USP36: variants seen among roughly 807,000 people sequenced by gnomAD.
USP36 encodes ubiquitin specific peptidase 36.
Under a neutral mutation model 111.5 loss-of-function variants are expected in USP36, and 59 were observed. The observed-to-expected ratio is 0.53, with a 90% confidence interval of 0.43 to 0.66. The LOEUF is 0.66. Among genes scored for constraint, USP36 ranks in the 30% least tolerant of loss-of-function variants. USP36 has a pLI of 0.00. For synonymous variants in USP36, 628 were observed against 581.0 expected, an observed-to-expected ratio of 1.08 and a Z score of -1.16; for missense variants, 1,488 against 1,468.0, an observed-to-expected ratio of 1.01 and a Z score of -0.22.
rs185512219 is a variant in USP36 at position 78,806,071 on chromosome 17, G to A, written c.2216+85C>T. 1,929 of 1,598,140 alleles carry A rather than the reference G, an allele frequency of 1.2e-3. 3 individuals are homozygous for A. Among genetic ancestry groups the A allele is most frequent in the Non-Finnish European group, 1.3e-3 (1,547 of 1,175,102 alleles). On this transcript the variant is annotated intron_variant, in intron 15 of 20. Transcript: ENST00000449938. ...GCTTTGTCTGTCCTGTGAGGTTGGCGATTCGTCCAACTCCTCACCAGCCAA... is the reference window on the plus strand; with the variant it reads ...GCTTTGTCTGTCCTGTGAGGTTGGCAATTCGTCCAACTCCTCACCAGCCAA...
chr17:78,794,878 G>A (rs2030074217), downstream of USP36, among the ~76,000 whole-genome samples: 1 of 151,906 alleles, frequency 6.6e-6, no homozygotes, highest in Admixed American at 6.6e-5. Flanking sequence ...GTGGTGATGC[G>A]TGCCTGTACT....
rs192460975 is a variant in USP36 at position 78,835,480 on chromosome 17, C to T, written c.275G>A (p.Ser92Asn). 4.4e-5 allele frequency: 71 copies of T among 1,607,034 alleles called. No homozygotes were observed. The African/African-American group carries it at 9.1e-4, about 21-fold the overall frequency. The stretch of plus-strand genomic sequence containing the variant: ...CGGGGCTGGGACTCCGTCACCACAG[C>T]TCTCATACGTGTGCTCACTGCCTGA... ...RRQGSEHTYE[S>N]CGDGVPAPQK... The change falls in exon 4 of 21, where the codon AGC (serine) becomes AAC (asparagine). Residue 92 changes from serine to asparagine, a missense_variant. By Grantham distance (46) the Ser-to-Asn change is conservative. Transcript: ENST00000449938.
At chr17:78,816,681 T>C (rs549972225) in intron 10 of USP36, among the ~76,000 whole-genome samples, 1 of 152,024 alleles carries the variant, frequency 6.6e-6, no homozygotes, top group African/African-American at 2.4e-5. Flanking sequence ...CTCACTATGT[T>C]GCCCAAGCTG....
intron 4 of USP36, 57 bp downstream of exon 4, chr17:78,835,223 G>A (rs2068549099): frequency 3.2e-6 from 5 of 1,548,606 alleles, no homozygotes; most frequent in Admixed American, 1.8e-5. Context: ...ACAAGTGCAT[G>A]GGCTTATCTA....
chr17:78,798,253 C>G lies in USP36; in HGVS notation c.*20+147G>C. On this transcript the variant is annotated intron_variant, in intron 20 of 20. Transcript: ENST00000449938. This position sits in a 1 kb window ranked among gnomAD's most constrained non-coding sequence, Gnocchi z 5.1. ...CTAGGACACACACCACAGACGCGCCCACACCACACACACCACCCAACACAC... is the reference window on the plus strand; with the variant it reads ...CTAGGACACACACCACAGACGCGCCGACACCACACACACCACCCAACACAC... 1 of 1,082,196 alleles carries G rather than the reference C, an allele frequency of 9.2e-7. No individual in the cohort carries two copies. Among genetic ancestry groups the G allele is most frequent in the South Asian group, 1.6e-5 (1 of 63,344 alleles). The allele number at this position is 1,082,196 out of a possible 1,614,324, so 67.0% of individuals were successfully genotyped here.
In USP36 at chr17:78,807,148, A is replaced by G. The variant is rs2054623; in HGVS notation, c.1896T>C (p.Ser632=). 2,984 of 1,613,602 alleles carry G rather than the reference A, an allele frequency of 1.8e-3. 82 individuals carry two copies. The South Asian group carries it at 0.031, about 17-fold the overall frequency. The change falls in exon 14 of 21, where the codon AGT becomes AGC. Residue 632 remains serine, a synonymous_variant. Transcript: ENST00000449938. ...DSTKAPQTPR[S]GAAHLCDSQE... ...GAGAATCGCAGAGATGGGCCGCTCCACTCCTGGGGGTCTGGGGGGCCTTGG... is the reference window on the plus strand; with the variant it reads ...GAGAATCGCAGAGATGGGCCGCTCCGCTCCTGGGGGTCTGGGGGGCCTTGG...
At chr17:78,807,977 T>G (rs985710187) in intron 13 of USP36, among the ~76,000 whole-genome samples, 1 of 152,146 alleles carries the variant, frequency 6.6e-6, no homozygotes. Flanking sequence ...GTGTTGGGAT[T>G]ACAGGTGTGA....
intron 8 of USP36, among the ~76,000 whole-genome samples, chr17:78,820,563 C>T (rs1354599823): frequency 6.6e-6 from 1 of 152,204 alleles, no homozygotes; most frequent in Non-Finnish European, 1.5e-5. Context: ...TGGACCTGCT[C>T]TGGAGCTTGG....
chr17:78,833,780 C>A (rs181971219), intron 4 of USP36, among the ~76,000 whole-genome samples: 1 of 152,260 alleles, frequency 6.6e-6, no homozygotes, highest in South Asian at 2.1e-4. Flanking sequence ...TATTTTCCTA[C>A]AATTTTTATA....
intron 7 of USP36, chr17:78,821,387 A>AATATATATATATATATAT (rs1174218979): frequency 2.2e-4 from 12 of 54,778 alleles, no homozygotes; most frequent in Non-Finnish European, 3.1e-4. Context: ...TCCTAATGAG[A>AATATATATATATATATAT]ATATATATAT....
At chr17:78,802,771 C>G (rs1323883989) in intron 16 of USP36, among the ~76,000 whole-genome samples, 1 of 152,170 alleles carries the variant, frequency 6.6e-6, no homozygotes, top group Admixed American at 6.5e-5. Flanking sequence ...AGCCTGTTGA[C>G]GCCAATGTGC....
At chr17:78,809,266 C>T (rs1210351039) in intron 13 of USP36, among the ~76,000 whole-genome samples, 2 of 152,236 alleles carry the variant, frequency 1.3e-5, no homozygotes, top group Non-Finnish European at 2.9e-5. Flanking sequence ...TTTAAGCATA[C>T]AAAGTCTTCT....
Position 78,799,028 on chromosome 17 carries a change from C to T in USP36, c.3125-5G>A, listed in dbSNP as rs1169518364. 4 of 1,613,570 alleles carry T rather than the reference C, an allele frequency of 2.5e-6. No individual in the cohort carries two copies. The highest frequency in any genetic ancestry group is 3.4e-6 in the Non-Finnish European group (4 of 1,179,986). Reference sequence around the variant, plus strand: ...TCTTGCCATCCCAGGTCAGAACTACCAGGCAGACACGGGGGTCAGCACGAG... The same window carrying T: ...TCTTGCCATCCCAGGTCAGAACTACTAGGCAGACACGGGGGTCAGCACGAG... On this transcript the variant is annotated splice_region_variant and splice_polypyrimidine_tract_variant and intron_variant, in intron 18 of 20. Transcript: ENST00000449938.
chr17:78,822,139 A>C, intron 6 of USP36, 135 bp from the exon 7 acceptor site: 1 of 959,276 alleles, frequency 1.0e-6, no homozygotes, highest in Non-Finnish European at 1.6e-6. Flanking sequence ...CACCCGAGTC[A>C]CCACAGACCC....
chr17:78,791,237 C>A (rs369166543), downstream of USP36, among the ~76,000 whole-genome samples: 1 of 150,864 alleles, frequency 6.6e-6, no homozygotes, highest in Admixed American at 6.6e-5. Flanking sequence ...CGGGTTCAAG[C>A]GATTCTCCTG....
intron 4 of USP36, among the ~76,000 whole-genome samples, chr17:78,834,761 G>A (rs1190927302): frequency 1.3e-5 from 2 of 152,018 alleles, no homozygotes; most frequent in African/African-American, 4.8e-5. Context: ...GGATCTTGCT[G>A]TGTTGTCCAG....
intron 2 of USP36, 56 bp from the exon 3 acceptor site, chr17:78,836,428 C>T (rs2068676414): frequency 6.3e-7 from 1 of 1,580,246 alleles, no homozygotes; most frequent in Non-Finnish European, 8.6e-7. Context: ...GGGACAAAAA[C>T]ATCTCTTAAG....
chr17:78,835,119 C>T (rs2068539042), intron 4 of USP36, among the ~76,000 whole-genome samples, 161 bp downstream of exon 4: 1 of 152,076 alleles, frequency 6.6e-6, no homozygotes, highest in South Asian at 2.1e-4. Context: ...ATGGCCCATT[C>T]TGCAGCAGGC....
chr17:78,839,354 T>C (rs2069019940), intron 1 of USP36, among the ~76,000 whole-genome samples: 2 of 152,182 alleles, frequency 1.3e-5, no homozygotes, highest in South Asian at 4.1e-4. Flanking sequence ...CTACAGCAAA[T>C]CTCAGACCTA....
Sources: allele counts gnomAD v4.1 joint callset (sites outside exome capture counted in the v4.1 genomes callset), GRCh38; gene constraint gnomAD v4.1.1; non-coding constraint Gnocchi (gnomAD v3.1); transcripts MANE v1.5; gene names NCBI Gene and HGNC (gene_info 2026-07-23, HGNC 2026-07-21).